The following AP1G1 variants were observed in gnomAD, a reference collection of about 807,000 sequenced individuals.
AP1G1 encodes adaptor related protein complex 1 subunit gamma 1.
AP1G1 carries 7 observed loss-of-function variants against 108.3 expected under a neutral mutation model. The ratio of observed to expected loss-of-function variants is 0.06; its 90% CI spans 0.04 to 0.12. The LOEUF (loss-of-function observed/expected upper bound fraction) is 0.12, where lower values mean the gene tolerates loss of function less well. Ranked by LOEUF, AP1G1 falls within the 10% of genes least tolerant of loss-of-function variation. The pLI is 1.00. For synonymous variants in AP1G1, 379 were observed against 353.5 expected (o/e 1.07, Z -0.81); for missense variants, 756 against 1,010.7 (o/e 0.75, Z 3.42).
chr16:71,808,635 C>T (rs1297012867), intron 1 of AP1G1, 128 bp downstream of exon 1: 95 of 1,289,534 alleles, frequency 7.4e-5, no homozygotes, highest in Non-Finnish European at 9.4e-5. Context: ...GCTTCTCTGT[C>T]TTCTCTTCTC....
intron 17 of AP1G1, 22 bp from the exon 18 acceptor site, chr16:71,745,636 A>C: frequency 3.1e-6 from 5 of 1,605,978 alleles, no homozygotes; most frequent in Non-Finnish European, 4.3e-6. Flanking sequence ...TGAAGTGGTT[A>C]AATTCTAGGC....
chr16:71,788,286 T>C lies in AP1G1; in HGVS notation c.201+993A>G, dbSNP rs538577941. On this transcript the variant is annotated intron_variant, in intron 2 of 22. Transcript: ENST00000299980. ...TGTTCCTTAGAGAGACTATTTAGCA[T>C]ATAATACAATTCTTAAATTATTAAA... Among the ~76,000 whole-genome samples, 6 of 152,300 alleles carry C rather than the reference T, an allele frequency of 3.9e-5. No homozygotes were observed. In the East Asian group the frequency reaches 1.2e-3, roughly 29 times the overall value.
chr16:71,759,621 G>A (rs567073328), intron 10 of AP1G1, among the ~76,000 whole-genome samples: 39 of 151,552 alleles, frequency 2.6e-4, no homozygotes, highest in African/African-American at 8.5e-4. Context: ...CTAGCTGGGC[G>A]TGGTGGCAGG....
chr16:71,793,330 C>T (rs2032469884), intron 1 of AP1G1, among the ~76,000 whole-genome samples: 1 of 152,074 alleles, frequency 6.6e-6, no homozygotes, highest in Non-Finnish European at 1.5e-5. Context: ...GACACATCAA[C>T]ACACTATAAC....
rs890769549 is a variant in AP1G1 at position 71,731,922 on chromosome 16, G to T, written c.*1136C>A. 3.9e-5 allele frequency: 6 copies of T among 152,606 alleles called. No individual in the cohort carries two copies. Among genetic ancestry groups the T allele is most frequent in the African/African-American group, 1.4e-4 (6 of 41,440 alleles). The allele number at this position is 152,606 out of a possible 1,614,324, so 9.5% of individuals were successfully genotyped here. ...TCTTTATTTCAGTGCCAGTGTTACA[G>T]ATACAACACAAATGTTCCAGTTAGA... is the stretch of plus-strand genomic sequence containing the variant. On this transcript the variant is annotated 3_prime_UTR_variant, in exon 23 of 23. Coordinates refer to ENST00000299980, the MANE Select transcript of AP1G1 (RefSeq NM_001128.6).
intron 1 of AP1G1, among the ~76,000 whole-genome samples, chr16:71,807,132 T>G (rs146281283): frequency 6.6e-6 from 1 of 152,294 alleles, no homozygotes; most frequent in African/African-American, 2.4e-5. Flanking sequence ...TGAATAACTG[T>G]GAAATACTTT....
At chr16:71,773,841 G>A (rs968346862) in intron 3 of AP1G1, among the ~76,000 whole-genome samples, 1 of 150,490 alleles carries the variant, frequency 6.6e-6, no homozygotes, top group African/African-American at 2.4e-5. Flanking sequence ...TACTTGGGAG[G>A]CTGAGTAGCT....
rs377090957 is a variant in AP1G1, at chr16:71,773,314, G to A, written c.375C>T (p.Thr125=). 2.7e-5 allele frequency: 43 copies of A among 1,592,324 alleles called. 1 individual carries two copies. Among genetic ancestry groups the A allele is most frequent in the South Asian group, 3.4e-5 (3 of 86,992 alleles). The change falls in exon 4 of 23, where the codon ACC becomes ACT. Residue 125 remains threonine, a synonymous_variant. Coordinates refer to ENST00000299980, the MANE Select transcript of AP1G1 (RefSeq NM_001128.6). The part of the protein sequence containing the change: ...TQFVQGLALC[T]LGCMGSSEMC... ...TCTCTGAGGAGCCCATGCAGCCGAG[G>A]GTACAAAGTGCTAACCCCTGTACGA... is the stretch of plus-strand genomic sequence containing the variant.
intron 3 of AP1G1, among the ~76,000 whole-genome samples, chr16:71,773,776 C>T (rs2031662505): frequency 6.6e-6 from 1 of 151,872 alleles, no homozygotes; most frequent in Admixed American, 6.5e-5. Context: ...AACCTCATCT[C>T]CACTAAAACT....
At chr16:71,773,818 C>G (rs2031665047) in intron 3 of AP1G1, among the ~76,000 whole-genome samples, 1 of 148,972 alleles carries the variant, frequency 6.7e-6, no homozygotes, top group Non-Finnish European at 1.5e-5. Context: ...TGGCGGGCGC[C>G]TATAATCCCA....
intron 21 of AP1G1, among the ~76,000 whole-genome samples, chr16:71,736,673 C>T (rs1597031661): frequency 6.7e-6 from 1 of 148,680 alleles, no homozygotes; most frequent in Non-Finnish European, 1.5e-5. Flanking sequence ...GCAAGCTCCA[C>T]CTCCCGGGCT....
intron 15 of AP1G1, among the ~76,000 whole-genome samples, chr16:71,749,427 T>C (rs912521876): frequency 6.6e-6 from 1 of 151,160 alleles, no homozygotes. Flanking sequence ...AAGGCTGCAG[T>C]GAATTGTGAT....
intron 1 of AP1G1, chr16:71,808,188 GA>G (rs913528774): frequency 9.4e-7 from 1 of 1,063,014 alleles, no homozygotes; most frequent in East Asian, 8.5e-5. Flanking sequence ...CAGGTAGGTT[GA>G]AAAAAACAAA....
rs117319173 is a variant in AP1G1 at position 71,735,866 on chromosome 16, G to A, written c.2269-1159C>T. Among the ~76,000 whole-genome samples the A allele has an allele frequency of 4.3e-4, 65 of 151,120 alleles. 2 individuals carry two copies. The East Asian group carries it at 0.013, about 29-fold the overall frequency. ...GTACAGATATATTACACTGGGGGCT[G>A]GGCACGGTATTCCCAGCACTTTGGG... On this transcript the variant is annotated intron_variant, in intron 21 of 22. Transcript: ENST00000299980.
At chr16:71,759,069 C>T in intron 10 of AP1G1, 148 bp from the exon 11 acceptor site, 1 of 600,698 alleles carries the variant, frequency 1.7e-6, no homozygotes, top group Non-Finnish European at 2.9e-6. Context: ...ATAAAAGTAA[C>T]ATTTCAAAGG....
rs2045463253 is a variant in AP1G1 at position 71,730,073 on chromosome 16, C to G, written c.*2985G>C. 6.6e-6 allele frequency: 1 copy of G among 152,478 alleles called. No individual in the cohort carries two copies. The allele number at this position is 152,478 out of a possible 1,614,324, so 9.4% of individuals were successfully genotyped here. On this transcript the variant is annotated 3_prime_UTR_variant, in exon 23 of 23. Coordinates refer to ENST00000299980, the MANE Select transcript of AP1G1 (RefSeq NM_001128.6). ...AGTACAAATCACACCTTTAAACTAG[C>G]AAGAGGAAAGAATCCCCTCCCAAAT... is the stretch of plus-strand genomic sequence containing the variant.
At chr16:71,784,579 G>T (rs2032135046) in intron 2 of AP1G1, among the ~76,000 whole-genome samples, 1 of 152,130 alleles carries the variant, frequency 6.6e-6, no homozygotes, top group Non-Finnish European at 1.5e-5. Context: ...TGTTGTTTGA[G>T]ACAGAGTCTC....
rs985382152 is a variant in AP1G1 at position 71,808,834 on chromosome 16, C to T, written c.-75G>A. ...GCAGTGGCAGCAGGAACCGAACATC[C>T]AAAATGGCGGCTCCCTCGGCCTCAC... On this transcript the variant is annotated 5_prime_UTR_variant, in exon 1 of 23. Transcript: ENST00000299980. The T allele has an allele frequency of 5.4e-6, 7 of 1,289,678 alleles. No homozygotes were observed. Among genetic ancestry groups the T allele is most frequent in the Middle Eastern group, 2.1e-4 (1 of 4,682 alleles). 79.9% of individuals were successfully genotyped at this position (1,289,678 alleles called of 1,614,324 possible). A position where few individuals can be genotyped will look rare whatever the true frequency, so the allele number is the denominator to read the frequency against.
chr16:71,761,455 T>C lies in AP1G1; in HGVS notation c.974+57A>G. 2.4e-6 allele frequency: 3 copies of C among 1,224,906 alleles called. No individual in the cohort carries two copies. The Admixed American group carries it at 5.2e-5, about 21-fold the overall frequency. 75.9% of individuals were successfully genotyped at this position (1,224,906 alleles called of 1,614,324 possible). On this transcript the variant is annotated intron_variant, in intron 10 of 22. Coordinates refer to ENST00000299980, the MANE Select transcript of AP1G1 (RefSeq NM_001128.6). ...CATGTATGATCTTGAGCAGAATCGC[T>C]CTTAAAATACTGGGCTTATAATATC...
Sources: gnomAD v4.1 joint callset for allele counts (sites outside exome capture counted in the v4.1 genomes callset) on GRCh38, gnomAD v4.1.1 for gene constraint, MANE v1.5 for transcripts, NCBI Gene and HGNC (gene_info 2026-07-23, HGNC 2026-07-21) for gene names.